NCKAP5: variants seen among roughly 807,000 people sequenced by gnomAD.
NCKAP5 encodes the protein NCK associated protein 5.
NCKAP5 carries 92 observed loss-of-function variants against 167.0 expected under a neutral mutation model. The ratio of observed to expected loss-of-function variants is 0.55; its 90% confidence interval spans 0.47 to 0.66. The LOEUF (loss-of-function observed/expected upper bound fraction) is 0.66. NCKAP5 is among the 30% of genes least tolerant of loss of function. The pLI, the probability that NCKAP5 is intolerant of heterozygous loss-of-function variation, is 0.00. For synonymous variants in NCKAP5, 891 were observed against 877.4 expected, an observed-to-expected ratio of 1.02 and a Z score of -0.27; for missense variants, 2,378 against 2,315.0, an observed-to-expected ratio of 1.03 and a Z score of -0.56.
intron 15 of NCKAP5, among the ~76,000 whole-genome samples, chr2:132,778,073 G>A (rs569458915): frequency 2.2e-3 from 337 of 152,102 alleles, no homozygotes; most frequent in Non-Finnish European, 4.0e-3. Context: ...AAATCTACAG[G>A]AAAGAAGAAC....
intron 16 of NCKAP5, among the ~76,000 whole-genome samples, chr2:132,736,118 G>T (rs1406050452): frequency 6.6e-6 from 1 of 152,098 alleles, no homozygotes; most frequent in Non-Finnish European, 1.5e-5. Context: ...CAAATGTAGT[G>T]AATGTGAAGG....
chr2:132,809,614 C>T (rs974821471), intron 11 of NCKAP5, among the ~76,000 whole-genome samples: 3 of 152,064 alleles, frequency 2.0e-5, no homozygotes, highest in South Asian at 2.1e-4. Flanking sequence ...TCCATTTGTA[C>T]GAAATGCCCT....
At chr2:133,600,115 G>A in the NCKAP5 span, among the ~76,000 whole-genome samples, 21 of 152,268 alleles carry the variant, frequency 1.4e-4, no homozygotes, top group African/African-American at 3.4e-4. Flanking sequence ...GACTCCATTC[G>A]AGGATGTGCT....
chr2:133,334,017 A>G (rs1322075460), intron 3 of NCKAP5: 1 of 152,252 alleles, frequency 6.6e-6, no homozygotes, highest in Admixed American at 6.5e-5. Flanking sequence ...GATAAGGGCT[A>G]TAGGAGGGAC....
At chr2:133,506,132 G>A (rs532062216) in intron 3 of NCKAP5, among the ~76,000 whole-genome samples, 6 of 152,302 alleles carry the variant, frequency 3.9e-5, no homozygotes, top group African/African-American at 1.4e-4. Context: ...CTGCACCTCA[G>A]CATCACACAA....
chr2:133,226,207 C>T (rs138861560), intron 4 of NCKAP5, among the ~76,000 whole-genome samples: 1 of 152,210 alleles, frequency 6.6e-6, no homozygotes, highest in East Asian at 1.9e-4. Context: ...TCCCCAAGTG[C>T]TGGGTTTATA....
chr2:132,874,404 G>A (rs565612719), intron 9 of NCKAP5, among the ~76,000 whole-genome samples: 24 of 152,040 alleles, frequency 1.6e-4, no homozygotes, highest in Non-Finnish European at 2.8e-4. Context: ...CACCATGCCC[G>A]GCCAAAACCT....
intron 4 of NCKAP5, among the ~76,000 whole-genome samples, chr2:133,267,010 G>C (rs1184487748): frequency 6.6e-6 from 1 of 151,096 alleles, no homozygotes; most frequent in Admixed American, 6.6e-5. Context: ...GTCAAATCCA[G>C]CCCATCTGCT....
chr2:133,052,632 C>T (rs1047591149), intron 6 of NCKAP5, among the ~76,000 whole-genome samples: 2 of 151,588 alleles, frequency 1.3e-5, no homozygotes, highest in South Asian at 4.2e-4. Flanking sequence ...GCAGGAGAAT[C>T]GCTTGAACCC....
intron 6 of NCKAP5, among the ~76,000 whole-genome samples, chr2:133,102,619 T>G (rs374647593): frequency 1.2e-4 from 18 of 152,164 alleles, no homozygotes; most frequent in African/African-American, 3.9e-4. Flanking sequence ...TATTCCAAAG[T>G]CCAGGTGCTT....
At chr2:133,317,718 T>G (rs1681718030) in intron 3 of NCKAP5, among the ~76,000 whole-genome samples, 1 of 152,172 alleles carries the variant, frequency 6.6e-6, no homozygotes, top group African/African-American at 2.4e-5. Context: ...AGAGGCCAAC[T>G]CTATAGAAAG....
the NCKAP5 span, among the ~76,000 whole-genome samples, chr2:133,598,917 G>T: frequency 3.9e-5 from 6 of 152,208 alleles, no homozygotes; most frequent in Admixed American, 3.9e-4. Context: ...CCTAGCTTCT[G>T]CTGGTTGCTG....
chr2:133,551,063 A>G (rs1009428282), intron 2 of NCKAP5, among the ~76,000 whole-genome samples: 1 of 150,886 alleles, frequency 6.6e-6, no homozygotes, highest in Non-Finnish European at 1.5e-5. Flanking sequence ...CTTCAAGGAG[A>G]ACTACAAACC....
intron 3 of NCKAP5, among the ~76,000 whole-genome samples, chr2:133,309,501 C>CA (rs1407501412): frequency 6.6e-6 from 1 of 152,090 alleles, no homozygotes; most frequent in African/African-American, 2.4e-5. Flanking sequence ...CAAGTTACAC[C>CA]AAGTCATATT....
At position 133,290,592 on chromosome 2, in the gene NCKAP5, G is replaced by GT. The variant is rs576913130; in HGVS notation, c.143+12444dup. Among the ~76,000 whole-genome samples, 25 of 152,124 alleles carry GT rather than the reference G, an allele frequency of 1.6e-4. No individual in the cohort carries two copies. In the East Asian group the frequency reaches 3.9e-3, roughly 24 times the overall value. On this transcript the variant is annotated intron_variant, in intron 4 of 19. Coordinates refer to ENST00000409261, the MANE Select transcript of NCKAP5 (RefSeq NM_207363.3). ...CTTTCTAATAGTATCTTGAAATTGTGTATCTCATTTTAACATTTTTAAGCC... is the reference window on the plus strand; with the variant it reads ...CTTTCTAATAGTATCTTGAAATTGTGTTATCTCATTTTAACATTTTTAAGCC...
At chr2:132,914,831 G>A (rs534079201) in intron 8 of NCKAP5, among the ~76,000 whole-genome samples, 8 of 152,106 alleles carry the variant, frequency 5.3e-5, no homozygotes, top group Non-Finnish European at 8.8e-5. Context: ...TCAGGAGGAA[G>A]TGTGATAGCC....
Position 133,475,052 on chromosome 2 carries a change from G to A in NCKAP5, c.69+42406C>T, listed in dbSNP as rs368199228. On this transcript the variant is annotated intron_variant, in intron 3 of 19. Transcript: ENST00000409261. ...TCTCAAACTCCTGACCTCGTGATCC[G>A]CCCGCCTCAGCCTCCCAAAGTGCTG... 2.0e-4 allele frequency among the ~76,000 whole-genome samples: 30 copies of A among 152,128 alleles called. No individual in the cohort carries two copies. In the East Asian group the frequency reaches 2.1e-3, roughly 11 times the overall value.
At chr2:133,270,991 C>A (rs2089484714) in intron 4 of NCKAP5, among the ~76,000 whole-genome samples, 2 of 148,054 alleles carry the variant, frequency 1.4e-5, no homozygotes, top group Admixed American at 1.4e-4. Flanking sequence ...ATGATCTCAG[C>A]TGAGTGCAAG....
At chr2:132,769,963 A>G (rs911711976) in intron 16 of NCKAP5, among the ~76,000 whole-genome samples, 1 of 152,326 alleles carries the variant, frequency 6.6e-6, no homozygotes, top group Non-Finnish European at 1.5e-5. Context: ...TGGCTCCTCT[A>G]TTTGGCTTAA....
Sources: allele counts gnomAD v4.1 joint callset (sites outside exome capture counted in the v4.1 genomes callset), GRCh38; gene constraint gnomAD v4.1.1; transcripts MANE v1.5; gene names NCBI Gene and HGNC (gene_info 2026-07-23, HGNC 2026-07-21).